The following QTMAN variants were observed in gnomAD, a reference collection of about 807,000 sequenced individuals.
QTMAN encodes the protein tRNA-queuosine alpha-mannosyltransferase.
the QTMAN span, among the ~76,000 whole-genome samples, chr2:144,321,028 T>A: frequency 2.0e-5 from 3 of 152,344 alleles, no homozygotes; most frequent in East Asian, 5.8e-4. Context: ...ATAGATGGAT[T>A]TCCCAACTTA....
At chr2:144,206,381 C>T in the QTMAN span, among the ~76,000 whole-genome samples, 1 of 152,194 alleles carries the variant, frequency 6.6e-6, no homozygotes, top group African/African-American at 2.4e-5. Context: ...TACTCTTGCA[C>T]TTCAATCTAG....
the QTMAN span, among the ~76,000 whole-genome samples, chr2:144,105,817 T>C: frequency 6.6e-6 from 1 of 152,012 alleles, no homozygotes; most frequent in Non-Finnish European, 1.5e-5. Context: ...TTCACCAAAG[T>C]TGAAATGAAG....
the QTMAN span, among the ~76,000 whole-genome samples, chr2:144,161,705 AAGT>A: frequency 1.3e-5 from 2 of 152,158 alleles, no homozygotes; most frequent in Non-Finnish European, 2.9e-5. Flanking sequence ...CAGCCCAAGT[AAGT>A]AGTAAAAAAC....
chr2:144,254,087 T>C, the QTMAN span, among the ~76,000 whole-genome samples: 1 of 152,198 alleles, frequency 6.6e-6, no homozygotes, highest in African/African-American at 2.4e-5. Flanking sequence ...CCTTGGTAGC[T>C]TCCACGTAAT....
the QTMAN span, among the ~76,000 whole-genome samples, chr2:144,301,268 G>A: frequency 6.6e-6 from 1 of 152,168 alleles, no homozygotes; most frequent in Admixed American, 6.5e-5. Context: ...TGTTACCCAG[G>A]CTGGAGTGCA....
the QTMAN span, chr2:144,211,520 T>A: frequency 6.6e-6 from 1 of 152,628 alleles, no homozygotes; most frequent in Non-Finnish European, 1.5e-5. Context: ...CTTACTTCTA[T>A]TGCAACTTTT....
At chr2:144,035,736 C>T in the QTMAN span, among the ~76,000 whole-genome samples, 1 of 151,998 alleles carries the variant, frequency 6.6e-6, no homozygotes, top group South Asian at 2.1e-4. Context: ...TTTTCCATTT[C>T]AACAGTTTTG....
chr2:144,190,114 T>C, the QTMAN span, among the ~76,000 whole-genome samples: 9 of 152,226 alleles, frequency 5.9e-5, no homozygotes, highest in Non-Finnish European at 1.3e-4. Flanking sequence ...ATATAATATA[T>C]AGAGCCATGA....
the QTMAN span, among the ~76,000 whole-genome samples, chr2:144,176,762 AG>A: frequency 6.6e-6 from 1 of 152,238 alleles, no homozygotes; most frequent in Non-Finnish European, 1.5e-5. Context: ...CTACTACTGA[AG>A]GAATCACAAA....
chr2:144,133,267 A>ATTATG, the QTMAN span, among the ~76,000 whole-genome samples: 1 of 35,756 alleles, frequency 2.8e-5, no homozygotes, highest in African/African-American at 9.5e-5. Flanking sequence ...ATATATATAA[A>ATTATG]TATATATTTA....
chr2:144,278,147 G>A, the QTMAN span, among the ~76,000 whole-genome samples: 1 of 152,200 alleles, frequency 6.6e-6, no homozygotes, highest in Non-Finnish European at 1.5e-5. Context: ...AGAACTGGCT[G>A]CAGCTCACTT....
the QTMAN span, among the ~76,000 whole-genome samples, chr2:143,977,509 T>C: frequency 6.6e-6 from 1 of 152,080 alleles, no homozygotes; most frequent in South Asian, 2.1e-4. Context: ...TGAGTCTATG[T>C]CACTACTAGG....
At chr2:144,273,478 C>T in the QTMAN span, among the ~76,000 whole-genome samples, 18 of 152,214 alleles carry the variant, frequency 1.2e-4, no homozygotes, top group South Asian at 2.9e-3. Context: ...AAGTACTAAC[C>T]TTTCATAGGA....
At chr2:144,133,620 C>G in the QTMAN span, among the ~76,000 whole-genome samples, 3 of 137,284 alleles carry the variant, frequency 2.2e-5, no homozygotes, top group African/African-American at 8.1e-5. Context: ...CAACCAAACT[C>G]TCTTTTAACA....
chr2:143,969,773 T>C, the QTMAN span, among the ~76,000 whole-genome samples: 1 of 152,110 alleles, frequency 6.6e-6, no homozygotes, highest in African/African-American at 2.4e-5. Context: ...AAAAGGTCAG[T>C]ATCCACAGCT....
the QTMAN span, among the ~76,000 whole-genome samples, chr2:144,062,362 C>T: frequency 1.3e-5 from 2 of 152,244 alleles, no homozygotes; most frequent in African/African-American, 4.8e-5. Flanking sequence ...TGCCATTGGA[C>T]AGATGAGGAA....
the QTMAN span, among the ~76,000 whole-genome samples, chr2:144,236,158 T>C: frequency 3.9e-5 from 6 of 152,080 alleles, no homozygotes; most frequent in African/African-American, 7.2e-5. Context: ...TCCAAAAAAC[T>C]GTCAAGAACC....
At chr2:144,223,464 T>C in the QTMAN span, among the ~76,000 whole-genome samples, 3 of 152,150 alleles carry the variant, frequency 2.0e-5, no homozygotes, top group Non-Finnish European at 4.4e-5. Flanking sequence ...TACTACCACT[T>C]TGTTGACTCT....
chr2:144,051,785 C>G, the QTMAN span, among the ~76,000 whole-genome samples: 6 of 152,018 alleles, frequency 3.9e-5, no homozygotes. Context: ...CTGAACGAAA[C>G]TACAAGAATG....
Sources: allele counts gnomAD v4.1 joint callset (sites outside exome capture counted in the v4.1 genomes callset), GRCh38; gene constraint gnomAD v4.1.1; transcripts MANE v1.5; gene names NCBI Gene and HGNC (gene_info 2026-07-23, HGNC 2026-07-21).